Variants in PELI2 observed in about 807,000 individuals in gnomAD.
PELI2 encodes the protein E3 ubiquitin-protein ligase pellino homolog 2.
A neutral mutation model predicts 42.3 loss-of-function variants in PELI2; 23 were observed. The ratio of observed to expected loss-of-function variants is 0.54; its 90% CI spans 0.39 to 0.77. PELI2 has a LOEUF of 0.77. Ranked by LOEUF, PELI2 falls within the 30% of genes least tolerant of loss-of-function variation. The pLI, the probability that PELI2 is intolerant of heterozygous loss-of-function variation, is 0.00. For missense variants in PELI2, 463 were observed against 553.2 expected (o/e 0.84, Z 1.64); for synonymous variants, 245 against 212.2 (o/e 1.15, Z -1.34).
intron 1 of PELI2, among the ~76,000 whole-genome samples, chr14:56,167,717 C>T (rs191632934): frequency 1.3e-5 from 2 of 152,206 alleles, no homozygotes; most frequent in Non-Finnish European, 2.9e-5. Flanking sequence ...TTTCCTGGAT[C>T]GTGTTGATGC....
chr14:56,205,084 G>A (rs1169836696), intron 2 of PELI2, among the ~76,000 whole-genome samples: 2 of 151,558 alleles, frequency 1.3e-5, no homozygotes, highest in East Asian at 1.9e-4. Context: ...GTGGGTAGCA[G>A]ACTCAGGCTG....
intron 2 of PELI2, among the ~76,000 whole-genome samples, chr14:56,201,107 C>T (rs1377906273): frequency 6.8e-6 from 1 of 146,154 alleles, no homozygotes; most frequent in Non-Finnish European, 1.5e-5. Flanking sequence ...GAACATGCGC[C>T]CTGCAATGTG....
chr14:56,195,327 T>A (rs147580271), intron 2 of PELI2, among the ~76,000 whole-genome samples: 1 of 152,280 alleles, frequency 6.6e-6, no homozygotes, highest in East Asian at 1.9e-4. Flanking sequence ...ATTTTGCCAT[T>A]CTCATTTTCT....
Position 56,178,303 on chromosome 14 carries a change from A to G in PELI2, c.78-32A>G, listed in dbSNP as rs771263262. The G allele has an allele frequency of 3.7e-6, 6 of 1,609,298 alleles. No homozygotes were observed. In the Middle Eastern group the frequency reaches 5.0e-4, roughly 133 times the overall value. On this transcript the variant is annotated intron_variant, in intron 1 of 5. Coordinates refer to ENST00000267460, the MANE Select transcript of PELI2 (RefSeq NM_021255.3). Reference sequence around the variant, plus strand: ...TATGTTTAAAGCTTGAAAAATCTGCAGATAGATGAACTCTTTCCTCTCTGT... The same window carrying G: ...TATGTTTAAAGCTTGAAAAATCTGCGGATAGATGAACTCTTTCCTCTCTGT...
In PELI2 at chr14:56,299,661, C is replaced by T. The variant is rs1053543958; in HGVS notation, c.*2495C>T. 1.3e-5 allele frequency: 2 copies of T among 152,128 alleles called. No individual in the cohort carries two copies. The highest frequency in any genetic ancestry group is 2.9e-5 in the Non-Finnish European group (2 of 68,028). 9.4% of individuals were successfully genotyped at this position (152,128 alleles called of 1,614,324 possible). A position where few individuals can be genotyped will look rare whatever the true frequency, so the allele number is the denominator to read the frequency against. On this transcript the variant is annotated 3_prime_UTR_variant, in exon 6 of 6. Coordinates refer to ENST00000267460, the MANE Select transcript of PELI2 (RefSeq NM_021255.3). The stretch of plus-strand genomic sequence containing the variant: ...TGTGAAAATAAAGAACTCTGTAGCT[C>T]ACCAAGGTGGAGAAACGCAATTCAG...
intron 2 of PELI2, among the ~76,000 whole-genome samples, chr14:56,196,131 G>T (rs975918688): frequency 5.3e-5 from 8 of 152,194 alleles, no homozygotes; most frequent in African/African-American, 9.7e-5. Context: ...AGGTTACATT[G>T]TATAAATAGG....
At chr14:56,157,564 A>G (rs1253537845) in intron 1 of PELI2, among the ~76,000 whole-genome samples, 1 of 152,208 alleles carries the variant, frequency 6.6e-6, no homozygotes, top group Non-Finnish European at 1.5e-5. Context: ...GGGGTAATTG[A>G]ACAAAGCCAA....
chr14:56,200,824 A>G (rs1351734741), intron 2 of PELI2, among the ~76,000 whole-genome samples: 3 of 152,106 alleles, frequency 2.0e-5, no homozygotes, highest in Non-Finnish European at 2.9e-5. Flanking sequence ...GTTGTCTTAC[A>G]TTTGCATTTC....
intron 1 of PELI2, among the ~76,000 whole-genome samples, chr14:56,158,254 C>T (rs570411626): frequency 2.0e-5 from 3 of 152,172 alleles, no homozygotes; most frequent in East Asian, 1.9e-4. Context: ...TCTCGAACAC[C>T]TGACCTCCGG....
intron 1 of PELI2, among the ~76,000 whole-genome samples, chr14:56,123,064 G>A (rs1883121714): frequency 6.6e-6 from 1 of 152,058 alleles, no homozygotes; most frequent in Non-Finnish European, 1.5e-5. Context: ...TATTTTAGTA[G>A]AAATTGATAA....
At chr14:56,250,846 A>G (rs1888320112) in intron 2 of PELI2, among the ~76,000 whole-genome samples, 1 of 152,216 alleles carries the variant, frequency 6.6e-6, no homozygotes, top group East Asian at 1.9e-4. Context: ...GTTCACACTC[A>G]GTATTAACCA....
rs1016291038 is a variant in PELI2 at position 56,298,182 on chromosome 14, G to A, written c.*1016G>A. The A allele has an allele frequency of 6.6e-6, 1 of 151,566 alleles. No homozygotes were observed. The highest frequency in any genetic ancestry group is 6.6e-5 in the Admixed American group (1 of 15,170). The allele number at this position is 151,566 out of a possible 1,614,324, so 9.4% of individuals were successfully genotyped here. On this transcript the variant is annotated 3_prime_UTR_variant, in exon 6 of 6. Coordinates refer to ENST00000267460, the MANE Select transcript of PELI2 (RefSeq NM_021255.3). ...GTTGTGCACTCCCTTTTCACCATCT[G>A]TCACCTTCCCTTGCAGCTTAAGGAG...
intron 1 of PELI2, among the ~76,000 whole-genome samples, chr14:56,151,027 C>A (rs946279516): frequency 1.3e-5 from 2 of 152,232 alleles, no homozygotes; most frequent in East Asian, 3.8e-4. Context: ...ATGAAAGATT[C>A]AGGCACCCTT....
At chr14:56,283,031 T>C (rs1889531447) in intron 3 of PELI2, among the ~76,000 whole-genome samples, 1 of 152,224 alleles carries the variant, frequency 6.6e-6, no homozygotes, top group African/African-American at 2.4e-5. Flanking sequence ...TATAGGTAAG[T>C]CAGGTACTCT....
intron 1 of PELI2, among the ~76,000 whole-genome samples, chr14:56,128,085 G>A (rs998399943): frequency 1.3e-5 from 2 of 152,096 alleles, no homozygotes; most frequent in African/African-American, 4.8e-5. Flanking sequence ...AAAAAAAATG[G>A]GATTGCCTGT....
intron 1 of PELI2, among the ~76,000 whole-genome samples, chr14:56,139,295 G>A (rs1209588580): frequency 6.6e-6 from 1 of 152,124 alleles, no homozygotes; most frequent in Non-Finnish European, 1.5e-5. Context: ...AATACAGTGG[G>A]ATTGAAAAAT....
In PELI2 at chr14:56,299,432, G is replaced by C. The variant is rs1435106756; in HGVS notation, c.*2266G>C. On this transcript the variant is annotated 3_prime_UTR_variant, in exon 6 of 6. Coordinates refer to ENST00000267460, the MANE Select transcript of PELI2 (RefSeq NM_021255.3). The stretch of plus-strand genomic sequence containing the variant: ...TTTGGGAAATAATTTCCAAGCTCTT[G>C]GAAGGGGTAACAGTGAACCGCCCTC... 1.3e-5 allele frequency: 2 copies of C among 152,236 alleles called. No homozygotes were observed. The highest frequency in any genetic ancestry group is 3.9e-4 in the East Asian group (2 of 5,162). 9.4% of individuals were successfully genotyped at this position (152,236 alleles called of 1,614,324 possible).
intron 1 of PELI2, among the ~76,000 whole-genome samples, chr14:56,158,697 A>G (rs898660059): frequency 2.0e-5 from 3 of 152,174 alleles, no homozygotes; most frequent in Non-Finnish European, 2.9e-5. Flanking sequence ...TAGAAGTTGT[A>G]TATAAACAGA....
rs1274216992 is a variant in PELI2, at chr14:56,294,193, G to C, written c.697-2407G>C. Among the ~76,000 whole-genome samples the C allele has an allele frequency of 3.3e-5, 5 of 152,300 alleles. No homozygotes were observed. The East Asian group carries it at 9.7e-4, about 29-fold the overall frequency. On this transcript the variant is annotated intron_variant, in intron 5 of 5. Coordinates refer to ENST00000267460, the MANE Select transcript of PELI2 (RefSeq NM_021255.3). The stretch of plus-strand genomic sequence containing the variant: ...ACTTGGGAAGGGCTGATTTCTTCAT[G>C]ACAAGGAAAATGTCCAGGGCAAAGT...
Sources: gnomAD v4.1 joint callset for allele counts (sites outside exome capture counted in the v4.1 genomes callset) on GRCh38, gnomAD v4.1.1 for gene constraint, MANE v1.5 for transcripts, NCBI Gene and HGNC (gene_info 2026-07-23, HGNC 2026-07-21) for gene names.